Variants in PKHD1L1 observed in about 807,000 individuals in gnomAD.
The protein encoded by PKHD1L1 is PKHD1 like 1.
PKHD1L1 carries 434 observed loss-of-function variants against 462.9 expected under a neutral mutation model. The observed-to-expected ratio is 0.94, with a 90% CI of 0.87 to 1.02. The LOEUF is 1.02. PKHD1L1 is among the 50% of genes least tolerant of loss of function. The pLI, the probability that PKHD1L1 is intolerant of heterozygous loss-of-function variation, is 0.00. For synonymous variants in PKHD1L1, 1,781 were observed against 1,750.0 expected (o/e 1.02, Z -0.44); for missense variants, 5,202 against 5,096.1 (o/e 1.02, Z -0.63).
chr8:109,505,414 A>G (rs1479819498), intron 68 of PKHD1L1, among the ~76,000 whole-genome samples: 2 of 152,206 alleles, frequency 1.3e-5, no homozygotes, highest in African/African-American at 4.8e-5. Flanking sequence ...AGTTGGTGTC[A>G]GGACATTTCC....
Position 109,448,126 on chromosome 8 carries a change from CTT to C in PKHD1L1, c.5777-5_5777-4del, listed in dbSNP as rs56254474. On this transcript the variant is annotated splice_polypyrimidine_tract_variant and intron_variant, in intron 38 of 77. Coordinates refer to ENST00000378402, the MANE Select transcript of PKHD1L1 (RefSeq NM_177531.6). ...TAGTTAGATATATTTATATTGTGTG[CTT>C]TTTTTTTTTTTAAGGTCCACCAGGA... 6.9e-3 allele frequency: 9,531 copies of C among 1,379,880 alleles called. No homozygotes were observed. Among genetic ancestry groups the C allele is most frequent in the South Asian group, 0.019 (1,430 of 75,278 alleles). The allele number at this position is 1,379,880 out of a possible 1,614,324, so 85.5% of individuals were successfully genotyped here.
chr8:109,466,501 C>G, intron 49 of PKHD1L1, 77 bp from the exon 50 acceptor site: 1 of 1,380,800 alleles, frequency 7.2e-7, no homozygotes, highest in Non-Finnish European at 9.7e-7. Context: ...CTATGGGTCA[C>G]AATTCTGTAT....
Position 109,435,258 on chromosome 8 carries a change from G to C in PKHD1L1, c.3409G>C (p.Asp1137His), listed in dbSNP as rs1815341124. The C allele has an allele frequency of 6.2e-7, 1 of 1,613,918 alleles. No homozygotes were observed. Among genetic ancestry groups the C allele is most frequent in the Non-Finnish European group, 8.5e-7 (1 of 1,179,824 alleles). Reference protein sequence around the residue: ...GHAPVAVSMADVGLAQNVGGE... With the variant: ...GHAPVAVSMAHVGLAQNVGGE... ...TGCCCCCGTTGCTGTGTCCATGGCTGATGTTGGACTAGCACAGAATGTAGG... is the reference window on the plus strand; with the variant it reads ...TGCCCCCGTTGCTGTGTCCATGGCTCATGTTGGACTAGCACAGAATGTAGG... The change falls in exon 29 of 78, where the codon GAT (aspartate) becomes CAT (histidine). Residue 1137 changes from aspartate (D) to histidine (H), a missense_variant. By Grantham distance (81) the Asp-to-His change is moderately conservative. Around this residue, in one of 3 missense-constraint regions of PKHD1L1, gnomAD observed 4,497 missense variants for 4,336.8 expected, o/e 1.04. Transcript: ENST00000378402.
chr8:109,448,534 CAG>C lies in PKHD1L1; in HGVS notation c.6025+146_6025+147del, dbSNP rs796583364. 27 of 1,009,120 alleles carry C rather than the reference CAG, an allele frequency of 2.7e-5. No individual in the cohort carries two copies. In the East Asian group the frequency reaches 3.0e-4, roughly 11 times the overall value. The allele number at this position is 1,009,120 out of a possible 1,614,324, so 62.5% of individuals were successfully genotyped here. A position where few individuals can be genotyped will look rare whatever the true frequency, so the allele number is the denominator to read the frequency against. On this transcript the variant is annotated intron_variant, in intron 39 of 77. Transcript: ENST00000378402. ...TTTGTTTGGTTTTTTTTTTTTGAGA[CAG>C]AGTCTCGCTCGGTCGCCCAGGCTGG...
At chr8:109,473,280 G>C (rs954631526) in intron 50 of PKHD1L1, among the ~76,000 whole-genome samples, 2 of 152,158 alleles carry the variant, frequency 1.3e-5, no homozygotes, top group East Asian at 3.9e-4. Context: ...GGGGGGCAAA[G>C]GTGGGCAGAT....
At chr8:109,510,445 TATC>T (rs1392212053) in intron 70 of PKHD1L1, among the ~76,000 whole-genome samples, 3 of 152,168 alleles carry the variant, frequency 2.0e-5, no homozygotes, top group African/African-American at 7.2e-5. Context: ...GCTTGAATAT[TATC>T]ATTAAAGAAG....
chr8:109,518,442 A>C lies in PKHD1L1; in HGVS notation c.11965A>C (p.Met3989Leu). The C allele has an allele frequency of 6.2e-7, 1 of 1,611,062 alleles. No individual in the cohort carries two copies. Among genetic ancestry groups the C allele is most frequent in the South Asian group, 1.1e-5 (1 of 91,072 alleles). Reference sequence around the variant, plus strand: ...GAAGAGTCTGAGGAGGAAGAGATCCATGGGATTCATAATTGAAATAGAGAT... The same window carrying C: ...GAAGAGTCTGAGGAGGAAGAGATCCCTGGGATTCATAATTGAAATAGAGAT... Reference protein sequence around the residue: ...RGKSLRRKRSMGFIIEIEIGD... With the variant: ...RGKSLRRKRSLGFIIEIEIGD... The change falls in exon 73 of 78, where the codon ATG becomes CTG. Residue 3989 changes from methionine (M) to leucine (L), a missense_variant. Coordinates refer to ENST00000378402, the MANE Select transcript of PKHD1L1 (RefSeq NM_177531.6).
At chr8:109,410,193 C>T (rs1222195814) in intron 19 of PKHD1L1, among the ~76,000 whole-genome samples, 2 of 152,120 alleles carry the variant, frequency 1.3e-5, no homozygotes, top group African/African-American at 2.4e-5. Flanking sequence ...TTTTACTACT[C>T]ATGAATTTTC....
In PKHD1L1 at chr8:109,464,914, AG is replaced by A; in HGVS notation, c.8085del (p.Trp2696GlyfsTer8). 1 of 1,613,802 alleles carries A rather than the reference AG, an allele frequency of 6.2e-7. No individual in the cohort carries two copies. Among genetic ancestry groups the A allele is most frequent in the Non-Finnish European group, 8.5e-7 (1 of 1,179,776 alleles). On this transcript the variant is annotated frameshift_variant, in exon 49 of 78. Coordinates refer to ENST00000378402, the MANE Select transcript of PKHD1L1 (RefSeq NM_177531.6). LOFTEE classifies it high-confidence loss of function. Reference sequence around the variant, plus strand: ...AGAGGATCCTGGCTCCTTATGTTGGAGGGTGGGGTGAAACCAATGGAGCGGT... The same window carrying A: ...AGAGGATCCTGGCTCCTTATGTTGGAGGTGGGGTGAAACCAATGGAGCGGT... ...TKRILAPYVG[G>X]WGETNGAVIK...
In PKHD1L1 at chr8:109,398,897, TA is replaced by T. The variant is rs200900490; in HGVS notation, c.1012+356del. Among the ~76,000 whole-genome samples the T allele has an allele frequency of 1.8e-3, 278 of 152,208 alleles. 1 individual carries two copies. Among genetic ancestry groups the T allele is most frequent in the African/African-American group, 6.4e-3 (265 of 41,528 alleles). ...AATTTTTTAAATGCCTTTTTCTGAT[TA>T]AAAAAAGATAAATAGGGGAAGTTAA... On this transcript the variant is annotated intron_variant, in intron 12 of 77. Transcript: ENST00000378402.
intron 55 of PKHD1L1, 100 bp from the exon 56 acceptor site, chr8:109,481,333 T>C: frequency 8.7e-7 from 1 of 1,142,994 alleles, no homozygotes; most frequent in Non-Finnish European, 1.2e-6. Context: ...AACTCATTCC[T>C]TTTTACTAGG....
At chr8:109,520,321 C>T (rs989287126) in intron 73 of PKHD1L1, among the ~76,000 whole-genome samples, 1 of 152,062 alleles carries the variant, frequency 6.6e-6, no homozygotes, top group Non-Finnish European at 1.5e-5. Flanking sequence ...AGATTACTCA[C>T]CTACTCTTAG....
In PKHD1L1 at chr8:109,459,792, A is replaced by C. The variant is rs779467039; in HGVS notation, c.7202A>C (p.Glu2401Ala). The change falls in exon 47 of 78, where the codon GAG becomes GCG. Residue 2401 changes from glutamate to alanine, a missense_variant. Transcript: ENST00000378402. ...NILIRGSDNV[E>A]WNNKIPACPD... ...TTAATAAGAGGATCTGATAATGTTG[A>C]GTGGAATAACAAAATTCCTGCATGT... 4 of 1,611,556 alleles carry C rather than the reference A, an allele frequency of 2.5e-6. No individual in the cohort carries two copies. Among genetic ancestry groups the C allele is most frequent in the Non-Finnish European group, 2.5e-6 (3 of 1,178,586 alleles).
At chr8:109,363,248 A>G (rs1811069342) in intron 1 of PKHD1L1, among the ~76,000 whole-genome samples, 1 of 152,160 alleles carries the variant, frequency 6.6e-6, no homozygotes, top group South Asian at 2.1e-4. Context: ...CTGTCTGGAG[A>G]TAGGATCCAG....
At chr8:109,481,665 T>C (rs1285102087) in intron 56 of PKHD1L1, 103 bp downstream of exon 56, 6 of 1,081,288 alleles carry the variant, frequency 5.5e-6, no homozygotes, top group African/African-American at 1.6e-5. Flanking sequence ...AAATACTTTA[T>C]CATAAAAAGT....
At chr8:109,449,871 G>T (rs1363639502) in intron 40 of PKHD1L1, among the ~76,000 whole-genome samples, 1 of 152,100 alleles carries the variant, frequency 6.6e-6, no homozygotes, top group Non-Finnish European at 1.5e-5. Context: ...AACCCTACTT[G>T]TGTCACTGAA....
intron 13 of PKHD1L1, among the ~76,000 whole-genome samples, chr8:109,400,570 T>A (rs1813223051): frequency 6.6e-6 from 1 of 151,190 alleles, no homozygotes; most frequent in African/African-American, 2.4e-5. Flanking sequence ...TTCATTATTC[T>A]ACATTAACTT....
rs761712457 is a variant in PKHD1L1 at position 109,442,054 on chromosome 8, G to T, written c.4252G>T (p.Val1418Leu). 2 of 1,613,392 alleles carry T rather than the reference G, an allele frequency of 1.2e-6. No homozygotes were observed. The highest frequency in any genetic ancestry group is 2.2e-5 in the East Asian group (1 of 44,856). The change falls in exon 35 of 78, where the codon GTG becomes TTG. Residue 1418 changes from valine to leucine, a missense_variant. Physicochemically the swap from Val to Leu is conservative, Grantham distance 32 (BLOSUM62 1). This residue lies in a region of PKHD1L1 where 4,497 missense variants were observed against 4,336.8 expected (regional missense o/e 1.04). Transcript: ENST00000378402. ...AWSPPVLNVS[V>L]GDTVAWHWQT... ...GTCACCACCAGTCCTAAATGTGTCT[G>T]TGGGGGACACAGTGGCATGGCATTG...
chr8:109,405,757 A>G (rs56845464), intron 16 of PKHD1L1, among the ~76,000 whole-genome samples: 3,404 of 152,194 alleles, frequency 0.022, 125 homozygotes, highest in African/African-American at 0.075. Context: ...CTTAATACCT[A>G]GGTGATGATG....
Sources: allele counts gnomAD v4.1 joint callset (sites outside exome capture counted in the v4.1 genomes callset), GRCh38; gene constraint gnomAD v4.1.1; regional missense constraint gnomAD v4.1.1; transcripts MANE v1.5; gene names NCBI Gene and HGNC (gene_info 2026-07-23, HGNC 2026-07-21).